PLXDC2: variants seen among roughly 807,000 people sequenced by gnomAD.
PLXDC2 encodes plexin domain-containing protein 2.
In PLXDC2, 40 loss-of-function variants were observed where a neutral mutation model predicts 68.9. The observed-to-expected ratio is 0.58, with a 90% CI of 0.45 to 0.76. The LOEUF is 0.76. PLXDC2 is among the 30% of genes least tolerant of loss of function. PLXDC2 has a pLI of 0.00. For missense variants in PLXDC2, 644 were observed against 661.9 expected (o/e 0.97, Z 0.30); for synonymous variants, 243 against 234.2 (o/e 1.04, Z -0.34).
chr10:19,924,056 T>C (rs901065009), intron 1 of PLXDC2, among the ~76,000 whole-genome samples: 5 of 152,134 alleles, frequency 3.3e-5, no homozygotes, highest in African/African-American at 1.2e-4. Flanking sequence ...ACTCTGTGTC[T>C]GTACAGTTCC....
intron 1 of PLXDC2, among the ~76,000 whole-genome samples, chr10:19,825,845 G>A (rs1009142681): frequency 6.6e-6 from 1 of 152,098 alleles, no homozygotes; most frequent in African/African-American, 2.4e-5. Flanking sequence ...AATGAACCTG[G>A]TTATTTATAT....
rs61857169 is a variant in PLXDC2 at position 20,217,872 on chromosome 10, T to G, written c.1273+296T>G. ...TCCTTCCTAGAAAAGAAATACAGAT[T>G]TCTTCCTGTGTGGCTAAATTTTGTA... is the stretch of plus-strand genomic sequence containing the variant. On this transcript the variant is annotated intron_variant, in intron 11 of 13. Coordinates refer to ENST00000377252, the MANE Select transcript of PLXDC2 (RefSeq NM_032812.9). Among the ~76,000 whole-genome samples the G allele has an allele frequency of 4.4e-3, 665 of 152,214 alleles. 2 individuals are homozygous for G. Among genetic ancestry groups the G allele is most frequent in the Non-Finnish European group, 7.5e-3 (509 of 68,000 alleles).
At chr10:20,047,283 T>C (rs1009024792) in intron 3 of PLXDC2, among the ~76,000 whole-genome samples, 4 of 152,152 alleles carry the variant, frequency 2.6e-5, no homozygotes, top group Non-Finnish European at 4.4e-5. Flanking sequence ...GAATGTATAT[T>C]GGATTCTAAA....
chr10:20,159,902 T>A (rs1178589845), intron 6 of PLXDC2, among the ~76,000 whole-genome samples: 1 of 152,188 alleles, frequency 6.6e-6, no homozygotes, highest in Non-Finnish European at 1.5e-5. Flanking sequence ...CTTCTGCGAC[T>A]CTCTTCTCTC....
rs370246889 is a variant in PLXDC2 at position 19,987,864 on chromosome 10, A to G, written c.113-13911A>G. 5.5e-4 allele frequency among the ~76,000 whole-genome samples: 84 copies of G among 152,190 alleles called. 2 individuals are homozygous for G. The South Asian group carries it at 6.6e-3, about 12-fold the overall frequency. On this transcript the variant is annotated intron_variant, in intron 1 of 13. Coordinates refer to ENST00000377252, the MANE Select transcript of PLXDC2 (RefSeq NM_032812.9). Reference sequence around the variant, plus strand: ...ATTACAGGCGTGAGCTACCGCGCCCAGCCGATGTTATTTGTTTTTATTTTA... The same window carrying G: ...ATTACAGGCGTGAGCTACCGCGCCCGGCCGATGTTATTTGTTTTTATTTTA...
At chr10:20,191,434 A>G (rs1326886768) in intron 9 of PLXDC2, among the ~76,000 whole-genome samples, 1 of 151,874 alleles carries the variant, frequency 6.6e-6, no homozygotes, top group Non-Finnish European at 1.5e-5. Context: ...TCTTAAAAAT[A>G]CACAGATTTT....
intron 2 of PLXDC2, among the ~76,000 whole-genome samples, chr10:20,003,375 T>C (rs2131638758): frequency 6.6e-6 from 1 of 152,280 alleles, no homozygotes; most frequent in South Asian, 2.1e-4. Flanking sequence ...AGATGCACTC[T>C]GACCAGAGGT....
chr10:20,056,976 G>C (rs771104517), intron 3 of PLXDC2, among the ~76,000 whole-genome samples: 2 of 152,092 alleles, frequency 1.3e-5, no homozygotes, highest in African/African-American at 2.4e-5. Context: ...CCTGCTAAAA[G>C]GGAGACCCCT....
chr10:20,077,790 A>C (rs1836477610), intron 4 of PLXDC2, among the ~76,000 whole-genome samples: 1 of 152,254 alleles, frequency 6.6e-6, no homozygotes, highest in African/African-American at 2.4e-5. Flanking sequence ...TAAATTATAG[A>C]GTGAAAACAT....
At chr10:20,064,378 G>A (rs543369738) in intron 3 of PLXDC2, among the ~76,000 whole-genome samples, 2 of 151,732 alleles carry the variant, frequency 1.3e-5, no homozygotes, top group East Asian at 1.9e-4. Context: ...CCACCACCAC[G>A]CCCATCTAAT....
chr10:20,098,383 G>GTT (rs1564314509), intron 4 of PLXDC2, among the ~76,000 whole-genome samples: 1 of 150,370 alleles, frequency 6.7e-6, no homozygotes, highest in Non-Finnish European at 1.5e-5. Flanking sequence ...GTGTGTGTGT[G>GTT]TATGTATGTA....
chr10:20,025,126 G>A (rs918198451), intron 2 of PLXDC2, among the ~76,000 whole-genome samples: 4 of 152,156 alleles, frequency 2.6e-5, no homozygotes, highest in Admixed American at 6.5e-5. Flanking sequence ...TCTGTTGCAA[G>A]TTGTATGGTA....
At position 20,143,319 on chromosome 10, in the gene PLXDC2, T is replaced by C; in HGVS notation, c.566T>C (p.Val189Ala). Residue 189 changes from valine (V) to alanine (A), a missense_variant, in exon 5 of 14, where the codon GTA (valine) becomes GCA (alanine). This residue lies in a region of PLXDC2 where 113 missense variants were observed against 167.1 expected (regional missense o/e 0.68). Transcript: ENST00000377252. The stretch of plus-strand genomic sequence containing the variant: ...GGTTTCATATACACTGGAGAAGTCG[T>C]ACATCGAATGCTAACAGCCACACAG... ...TGGFIYTGEV[V>A]HRMLTATQYI... 1 of 1,613,048 alleles carries C rather than the reference T, an allele frequency of 6.2e-7. No homozygotes were observed. Among genetic ancestry groups the C allele is most frequent in the African/African-American group, 1.3e-5 (1 of 75,018 alleles).
intron 9 of PLXDC2, among the ~76,000 whole-genome samples, chr10:20,196,113 G>T (rs1834833796): frequency 1.3e-5 from 2 of 152,064 alleles, no homozygotes; most frequent in Admixed American, 1.3e-4. Context: ...TGTTTGCTTT[G>T]GCAGCTCACA....
At chr10:20,223,639 T>C (rs1835248120) in intron 12 of PLXDC2, among the ~76,000 whole-genome samples, 1 of 152,120 alleles carries the variant, frequency 6.6e-6, no homozygotes, top group South Asian at 2.1e-4. Context: ...AACCTTCCCA[T>C]GGGAAATGCC....
chr10:19,982,458 C>T (rs979337897), intron 1 of PLXDC2, among the ~76,000 whole-genome samples: 1 of 152,186 alleles, frequency 6.6e-6, no homozygotes, highest in African/African-American at 2.4e-5. Context: ...ACAGGCTGCT[C>T]TTTGCAGCCT....
intron 1 of PLXDC2, among the ~76,000 whole-genome samples, chr10:19,827,559 T>G (rs1836595583): frequency 1.2e-5 from 1 of 85,750 alleles, no homozygotes; most frequent in African/African-American, 6.8e-5. Context: ...TTTCTTTTTC[T>G]TTTTCTTTTT....
At chr10:20,149,538 C>T (rs1461435336) in intron 6 of PLXDC2, among the ~76,000 whole-genome samples, 3 of 152,052 alleles carry the variant, frequency 2.0e-5, no homozygotes, top group Admixed American at 1.3e-4. Flanking sequence ...TGCGCCCGGC[C>T]GATAGTTATT....
At chr10:20,128,136 C>G (rs1435479230) in intron 4 of PLXDC2, among the ~76,000 whole-genome samples, 1 of 152,180 alleles carries the variant, frequency 6.6e-6, no homozygotes, top group East Asian at 1.9e-4. Flanking sequence ...GGATTCAAGA[C>G]AGACGCTTTG....
Sources: allele counts gnomAD v4.1 joint callset (sites outside exome capture counted in the v4.1 genomes callset), GRCh38; gene constraint gnomAD v4.1.1; regional missense constraint gnomAD v4.1.1; transcripts MANE v1.5; gene names NCBI Gene and HGNC (gene_info 2026-07-23, HGNC 2026-07-21).